Variants in WAPL observed in about 807,000 individuals in gnomAD.
WAPL encodes WAPL cohesin release factor.
A neutral mutation model predicts 121.0 loss-of-function variants in WAPL; 5 were observed. That is an observed-to-expected ratio of 0.04 (90% CI 0.02 to 0.09). The LOEUF is 0.09. Among genes scored for constraint, WAPL ranks in the 10% least tolerant of loss-of-function variants. WAPL has a pLI of 1.00. For missense variants in WAPL, 999 were observed against 1,410.8 expected (o/e 0.71, Z 4.68); for synonymous variants, 480 against 481.5 (o/e 1.00, Z 0.04).
In WAPL at chr10:86,437,435, C is replaced by G; in HGVS notation, c.*108G>C. The G allele has an allele frequency of 8.6e-7, 1 of 1,167,668 alleles. No homozygotes were observed. Among genetic ancestry groups the G allele is most frequent in the South Asian group, 1.6e-5 (1 of 64,052 alleles). 72.3% of individuals were successfully genotyped at this position (1,167,668 alleles called of 1,614,324 possible). A position where few individuals can be genotyped will look rare whatever the true frequency, so the allele number is the denominator to read the frequency against. On this transcript the variant is annotated 3_prime_UTR_variant, in exon 19 of 19. Coordinates refer to ENST00000298767, the MANE Select transcript of WAPL (RefSeq NM_015045.5). The stretch of plus-strand genomic sequence containing the variant: ...CTTAAAAATCCAAACACGAATGATA[C>G]TGATGAATGTTCTTGGTATATCTTC...
At chr10:86,505,118 T>G (rs1221633326) in intron 2 of WAPL, among the ~76,000 whole-genome samples, 2 of 151,778 alleles carry the variant, frequency 1.3e-5, no homozygotes, top group Non-Finnish European at 2.9e-5. Flanking sequence ...TAAAACAGTT[T>G]AGAGCACTAC....
Position 86,452,239 on chromosome 10 carries a change from T to C in WAPL, c.2950-108A>G, listed in dbSNP as rs1450925186. ...ACTAAAAAGCTGAATATCAGTGTTC[T>C]ACCACCTACAAAATGGCTAAAAACC... On this transcript the variant is annotated intron_variant, in intron 14 of 18. Coordinates refer to ENST00000298767, the MANE Select transcript of WAPL (RefSeq NM_015045.5). The C allele has an allele frequency of 3.8e-6, 4 of 1,040,186 alleles. No homozygotes were observed. The African/African-American group carries it at 4.8e-5, about 13-fold the overall frequency. The allele number at this position is 1,040,186 out of a possible 1,614,324, so 64.4% of individuals were successfully genotyped here. A position where few individuals can be genotyped will look rare whatever the true frequency, so the allele number is the denominator to read the frequency against.
intron 9 of WAPL, among the ~76,000 whole-genome samples, chr10:86,463,297 G>T (rs1436644463): frequency 6.6e-6 from 1 of 152,124 alleles, no homozygotes; most frequent in African/African-American, 2.4e-5. Context: ...TCAAGGCAGT[G>T]GGGGGGACCC....
At chr10:86,467,785 T>C (rs1369409626) in intron 8 of WAPL, among the ~76,000 whole-genome samples, 2 of 151,688 alleles carry the variant, frequency 1.3e-5, no homozygotes, top group Admixed American at 1.3e-4. Flanking sequence ...CAAGCGATTC[T>C]CCTGCCTCAG....
chr10:86,519,504 C>G (rs1842629825), intron 1 of WAPL, among the ~76,000 whole-genome samples: 1 of 152,104 alleles, frequency 6.6e-6, no homozygotes, highest in African/African-American at 2.4e-5. Flanking sequence ...AGACCCCCCC[C>G]CATGTTTGGT....
intron 2 of WAPL, among the ~76,000 whole-genome samples, chr10:86,507,323 G>T (rs1266299409): frequency 7.4e-6 from 1 of 134,268 alleles, no homozygotes; most frequent in Non-Finnish European, 1.5e-5. Flanking sequence ...AGCCAAGACT[G>T]TGCCACTGCA....
intron 9 of WAPL, 88 bp downstream of exon 9, chr10:86,467,191 A>C: frequency 8.4e-7 from 1 of 1,184,028 alleles, no homozygotes; most frequent in Non-Finnish European, 1.2e-6. Flanking sequence ...AATTAAAATA[A>C]TTTGCCCACA....
At chr10:86,456,675 C>T (rs1313993044) in intron 12 of WAPL, among the ~76,000 whole-genome samples, 1 of 152,158 alleles carries the variant, frequency 6.6e-6, no homozygotes, top group Non-Finnish European at 1.5e-5. Flanking sequence ...ATTTTACAAC[C>T]CTTTGGTCAG....
At chr10:86,469,161 C>G (rs1220831893) in intron 8 of WAPL, among the ~76,000 whole-genome samples, 1 of 150,378 alleles carries the variant, frequency 6.6e-6, no homozygotes, top group Non-Finnish European at 1.5e-5. Context: ...GTGGCAGGAG[C>G]CTGTAGTCCC....
chr10:86,441,573 G>GA (rs34758995), intron 17 of WAPL, among the ~76,000 whole-genome samples: 51,132 of 135,302 alleles, frequency 0.38, 9,123 homozygotes, highest in Non-Finnish European at 0.42. Context: ...ATGCACCTAT[G>GA]AAAAAAAAAA....
chr10:86,483,131 T>C (rs910536681), intron 4 of WAPL, among the ~76,000 whole-genome samples: 1 of 152,166 alleles, frequency 6.6e-6, no homozygotes, highest in East Asian at 1.9e-4. Context: ...AAGGGTACAG[T>C]ACATACATGC....
intron 2 of WAPL, among the ~76,000 whole-genome samples, chr10:86,505,663 A>T (rs1842335988): frequency 6.6e-6 from 1 of 152,138 alleles, no homozygotes; most frequent in African/African-American, 2.4e-5. Context: ...TTTGAATTTA[A>T]ATGCATATAC....
intron 17 of WAPL, among the ~76,000 whole-genome samples, chr10:86,441,048 T>C (rs1849458138): frequency 6.6e-6 from 1 of 152,186 alleles, no homozygotes; most frequent in South Asian, 2.1e-4. Flanking sequence ...CAAAAAGAGA[T>C]GGCCCCTGCT....
At chr10:86,470,037 C>CTT (rs905682620) in intron 8 of WAPL, among the ~76,000 whole-genome samples, 1 of 145,234 alleles carries the variant, frequency 6.9e-6, no homozygotes, top group Non-Finnish European at 1.5e-5. Context: ...AAACTAACTT[C>CTT]TTTTTTTTTT....
intron 4 of WAPL, among the ~76,000 whole-genome samples, chr10:86,475,409 C>G (rs1841628714): frequency 6.6e-6 from 1 of 152,162 alleles, no homozygotes; most frequent in African/African-American, 2.4e-5. Flanking sequence ...TCAAGACCGT[C>G]AAAAAATCTA....
intron 4 of WAPL, among the ~76,000 whole-genome samples, chr10:86,486,925 C>G (rs1182416630): frequency 6.6e-6 from 1 of 152,078 alleles, no homozygotes; most frequent in Non-Finnish European, 1.5e-5. Flanking sequence ...CATTGCACTC[C>G]AGCCTGAGCA....
intron 3 of WAPL, among the ~76,000 whole-genome samples, chr10:86,497,732 C>T (rs1842175999): frequency 1.3e-5 from 2 of 152,110 alleles, no homozygotes; most frequent in South Asian, 4.1e-4. Flanking sequence ...ACTTTAAATC[C>T]ACTAAATCAT....
chr10:86,504,505 T>C (rs1270934998), intron 2 of WAPL, among the ~76,000 whole-genome samples: 1 of 104,816 alleles, frequency 9.5e-6, no homozygotes, highest in Non-Finnish European at 2.0e-5. Context: ...TGACACCCCA[T>C]CTCTACTAAA....
At chr10:86,505,273 T>C (rs1434134545) in intron 2 of WAPL, among the ~76,000 whole-genome samples, 1 of 145,162 alleles carries the variant, frequency 6.9e-6, no homozygotes, top group African/African-American at 2.5e-5. Context: ...GTACTGGGAT[T>C]ACAAGCTTCA....
Sources: gnomAD v4.1 joint callset for allele counts (sites outside exome capture counted in the v4.1 genomes callset) on GRCh38, gnomAD v4.1.1 for gene constraint, MANE v1.5 for transcripts, NCBI Gene and HGNC (gene_info 2026-07-23, HGNC 2026-07-21) for gene names.